Variants in VANGL1 observed in about 807,000 individuals in gnomAD.
VANGL1 encodes the protein vang-like protein 1.
Under a neutral mutation model 48.4 loss-of-function variants are expected in VANGL1, and 18 were observed. The ratio of observed to expected loss-of-function variants is 0.37; its 90% CI spans 0.26 to 0.55. VANGL1 has a LOEUF of 0.55. VANGL1 is among the 20% of genes least tolerant of loss of function. The pLI, the probability that VANGL1 is intolerant of heterozygous loss-of-function variation, is 0.81. For synonymous variants in VANGL1, 257 were observed against 261.8 expected (o/e 0.98, Z 0.18); for missense variants, 667 against 675.8 (o/e 0.99, Z 0.14).
chr1:115,669,019 G>A (rs563236865), intron 4 of VANGL1, among the ~76,000 whole-genome samples: 60 of 152,238 alleles, frequency 3.9e-4, no homozygotes, highest in African/African-American at 1.3e-3. Context: ...CAACCACCTC[G>A]GGCTGTCTTT....
rs1274786922 is a variant in VANGL1, at chr1:115,663,978, G to A, written c.522G>A (p.Lys174=). Residue 174 remains lysine (K), a synonymous_variant, in exon 4 of 8, where the codon AAG becomes AAA. Transcript: ENST00000355485. The part of the protein sequence containing the change: ...LIGTWALFFR[K]RRADMPRVFV... ...GGACCTGGGCACTTTTTTTCCGCAA[G>A]CGGAGAGCTGACATGCCACGGGTGT... 1 of 1,614,188 alleles carries A rather than the reference G, an allele frequency of 6.2e-7. No homozygotes were observed. The highest frequency in any genetic ancestry group is 1.7e-5 in the Admixed American group (1 of 60,030).
intron 5 of VANGL1, among the ~76,000 whole-genome samples, chr1:115,683,680 C>T (rs1570771420): frequency 6.6e-6 from 1 of 152,188 alleles, no homozygotes; most frequent in African/African-American, 2.4e-5. Flanking sequence ...TAATTGCCAC[C>T]GTTCTTCATG....
In VANGL1 at chr1:115,696,934, CTTTGGCACTTCT is replaced by C. The variant is rs763660272; in HGVS notation, c.*5565_*5576del. 6.6e-6 allele frequency: 1 copy of C among 152,150 alleles called. No individual in the cohort carries two copies. The highest frequency in any genetic ancestry group is 2.4e-5 in the African/African-American group (1 of 41,422). The allele number at this position is 152,150 out of a possible 1,614,324, so 9.4% of individuals were successfully genotyped here. A position where few individuals can be genotyped will look rare whatever the true frequency, so the allele number is the denominator to read the frequency against. The stretch of plus-strand genomic sequence containing the variant: ...CCCCAGGCTTTTATCTTAAAAGTGT[CTTTGGCACTTCT>C]TTTGGCACTGAAATGGTATTTGGGA... On this transcript the variant is annotated 3_prime_UTR_variant, in exon 8 of 8. Coordinates refer to ENST00000355485, the MANE Select transcript of VANGL1 (RefSeq NM_138959.3).
intron 1 of VANGL1, among the ~76,000 whole-genome samples, chr1:115,643,494 G>T (rs754795657): frequency 1.1e-4 from 17 of 152,142 alleles, no homozygotes; most frequent in African/African-American, 2.4e-5. Context: ...CCAGTTCAAA[G>T]AAATAACACG....
chr1:115,675,435 G>A (rs1415569024), intron 4 of VANGL1, among the ~76,000 whole-genome samples: 2 of 152,164 alleles, frequency 1.3e-5, no homozygotes, highest in Non-Finnish European at 2.9e-5. Context: ...CTGGGAAGCA[G>A]AGGTTGCAGT....
At chr1:115,663,560 A>C in intron 3 of VANGL1, 101 bp from the exon 4 acceptor site, 1 of 1,524,492 alleles carries the variant, frequency 6.6e-7, no homozygotes, top group Non-Finnish European at 9.0e-7. Flanking sequence ...GCCTTTGTGA[A>C]TAGGGCTGGG....
rs1412635729 is a variant in VANGL1 at position 115,695,402 on chromosome 1, A to G, written c.*4023A>G. The G allele has an allele frequency of 6.6e-6, 1 of 152,614 alleles. No homozygotes were observed. The allele number at this position is 152,614 out of a possible 1,614,324, so 9.5% of individuals were successfully genotyped here. A position where few individuals can be genotyped will look rare whatever the true frequency, so the allele number is the denominator to read the frequency against. On this transcript the variant is annotated 3_prime_UTR_variant, in exon 8 of 8. Coordinates refer to ENST00000355485, the MANE Select transcript of VANGL1 (RefSeq NM_138959.3). The stretch of plus-strand genomic sequence containing the variant: ...GTTACTGAAAAACAAAAAAATCACT[A>G]CTGTGAATTTACTACTATGTAACCT...
intron 4 of VANGL1, among the ~76,000 whole-genome samples, chr1:115,674,127 C>G (rs906996415): frequency 1.3e-5 from 2 of 152,202 alleles, no homozygotes; most frequent in African/African-American, 2.4e-5. Context: ...CAGCCTGTTT[C>G]TGCTCACACT....
rs58894569 is a variant in VANGL1 at position 115,659,505 on chromosome 1, CTGTGTGTG to C, written c.72-108_72-101del. ...GTGAAGATGGGTGGGTTTTGATGCTCTGTGTGTGTGTGTGTGTGTGTGTGTGTGTGTGT... is the reference window on the plus strand; with the variant it reads ...GTGAAGATGGGTGGGTTTTGATGCTCTGTGTGTGTGTGTGTGTGTGTGTGT... On this transcript the variant is annotated intron_variant, in intron 2 of 7. Coordinates refer to ENST00000355485, the MANE Select transcript of VANGL1 (RefSeq NM_138959.3). 5,248 of 948,418 alleles carry C rather than the reference CTGTGTGTG, an allele frequency of 5.5e-3. 1 individual carries two copies. Among genetic ancestry groups the C allele is most frequent in the East Asian group, 0.014 (545 of 37,734 alleles). 58.8% of individuals were successfully genotyped at this position (948,418 alleles called of 1,614,324 possible).
intron 3 of VANGL1, among the ~76,000 whole-genome samples, chr1:115,660,128 A>G (rs1336389166): frequency 1.3e-5 from 2 of 152,264 alleles, no homozygotes; most frequent in Non-Finnish European, 2.9e-5. Context: ...TTTAAAAAAC[A>G]TGGGGCAGCC....
chr1:115,646,834 A>G (rs756437593), intron 1 of VANGL1, among the ~76,000 whole-genome samples: 20 of 152,222 alleles, frequency 1.3e-4, no homozygotes, highest in Admixed American at 3.9e-4. Flanking sequence ...ACAGGGTACT[A>G]GAGAAGAGCC....
chr1:115,659,698 A>G lies in VANGL1; in HGVS notation c.129A>G (p.Glu43=). Reference sequence around the variant, plus strand: ...GGAATAAAGACGGCAGAGGGTCAGAAAAGTCTGTCACCATTCAACCTCCCA... The same window carrying G: ...GGAATAAAGACGGCAGAGGGTCAGAGAAGTCTGTCACCATTCAACCTCCCA... ...SPRNKDGRGS[E]KSVTIQPPTG... Residue 43 remains glutamate, a synonymous_variant, in exon 3 of 8, where the codon GAA becomes GAG. Transcript: ENST00000355485. 1.9e-6 allele frequency: 3 copies of G among 1,614,202 alleles called. No homozygotes were observed.
At position 115,651,497 on chromosome 1, in the gene VANGL1, T is replaced by G; in HGVS notation, c.71+13T>G. Reference sequence around the variant, plus strand: ...CTCACAGACAAGGGTATGTAAGTTGTTCATTATTACACTTTTCCTTTTGGG... The same window carrying G: ...CTCACAGACAAGGGTATGTAAGTTGGTCATTATTACACTTTTCCTTTTGGG... On this transcript the variant is annotated intron_variant, in intron 2 of 7. Transcript: ENST00000355485. 6.2e-7 allele frequency: 1 copy of G among 1,612,114 alleles called. No homozygotes were observed. Among genetic ancestry groups the G allele is most frequent in the Non-Finnish European group, 8.5e-7 (1 of 1,178,300 alleles).
chr1:115,675,112 G>C (rs1420590625), intron 4 of VANGL1, among the ~76,000 whole-genome samples: 3 of 152,176 alleles, frequency 2.0e-5, no homozygotes, highest in African/African-American at 7.2e-5. Context: ...AAGGCATTGG[G>C]TGAACCAGTG....
chr1:115,670,543 T>A (rs1387631476), intron 4 of VANGL1, among the ~76,000 whole-genome samples: 2 of 152,168 alleles, frequency 1.3e-5, no homozygotes, highest in Non-Finnish European at 2.9e-5. Context: ...CCTTTTGAAA[T>A]CTTATGTTTG....
Position 115,692,273 on chromosome 1 carries a change from G to A in VANGL1, c.*894G>A, listed in dbSNP as rs1194864193. 1 of 152,612 alleles carries A rather than the reference G, an allele frequency of 6.6e-6. No homozygotes were observed. Among genetic ancestry groups the A allele is most frequent in the African/African-American group, 2.4e-5 (1 of 41,436 alleles). 9.5% of individuals were successfully genotyped at this position (152,612 alleles called of 1,614,324 possible). ...TGCAGCAGGAGCCCCACACTGCCCA[G>A]TTTTCCTCCCCACTGTTCTACACCA... is the stretch of plus-strand genomic sequence containing the variant. On this transcript the variant is annotated 3_prime_UTR_variant, in exon 8 of 8. Coordinates refer to ENST00000355485, the MANE Select transcript of VANGL1 (RefSeq NM_138959.3).
chr1:115,672,326 A>C (rs1436611318), intron 4 of VANGL1, among the ~76,000 whole-genome samples: 2 of 152,144 alleles, frequency 1.3e-5, no homozygotes, highest in Non-Finnish European at 2.9e-5. Context: ...TTTCAAACCA[A>C]AAGCCAGGTA....
intron 4 of VANGL1, among the ~76,000 whole-genome samples, chr1:115,667,040 C>G (rs1252528116): frequency 6.6e-6 from 1 of 152,116 alleles, no homozygotes; most frequent in Admixed American, 6.5e-5. Context: ...GAAGAGGGAG[C>G]GGGAATAGAC....
At chr1:115,681,811 C>T (rs933766966) in intron 4 of VANGL1, among the ~76,000 whole-genome samples, 5 of 152,036 alleles carry the variant, frequency 3.3e-5, no homozygotes, top group Non-Finnish European at 5.9e-5. Flanking sequence ...GTGGCCAAGG[C>T]CCTCTTAAGT....
Sources: gnomAD v4.1 joint callset for allele counts (sites outside exome capture counted in the v4.1 genomes callset) on GRCh38, gnomAD v4.1.1 for gene constraint, MANE v1.5 for transcripts, NCBI Gene and HGNC (gene_info 2026-07-23, HGNC 2026-07-21) for gene names.